CSRNP3: variants seen among roughly 807,000 people sequenced by gnomAD.
CSRNP3 encodes the protein cysteine and serine rich nuclear protein 3, also known as cysteine/serine-rich nuclear protein 3.
In CSRNP3, 12 loss-of-function variants were observed where a neutral mutation model predicts 48.0. The ratio of observed to expected loss-of-function variants is 0.25; its 90% CI spans 0.16 to 0.41. CSRNP3 has a LOEUF of 0.41. Ranked by LOEUF, CSRNP3 falls within the 10% of genes least tolerant of loss-of-function variation. CSRNP3 has a pLI of 1.00. For synonymous variants in CSRNP3, 263 were observed against 269.7 expected (o/e 0.98, Z 0.24); for missense variants, 580 against 724.4 (o/e 0.80, Z 2.29).
At chr2:165,622,723 C>A (rs1286731986) in intron 4 of CSRNP3, among the ~76,000 whole-genome samples, 1 of 152,130 alleles carries the variant, frequency 6.6e-6, no homozygotes, top group Non-Finnish European at 1.5e-5. Flanking sequence ...AAAAACAAAA[C>A]CAAAGTTGCC....
intron 3 of CSRNP3, among the ~76,000 whole-genome samples, chr2:165,562,121 C>T (rs1284551247): frequency 6.6e-6 from 1 of 152,000 alleles, no homozygotes; most frequent in Non-Finnish European, 1.5e-5. Flanking sequence ...TAGAAAAGCC[C>T]GAACACCCCC....
At chr2:165,510,130 A>G (rs1684482180) in intron 2 of CSRNP3, among the ~76,000 whole-genome samples, 1 of 152,158 alleles carries the variant, frequency 6.6e-6, no homozygotes, top group Non-Finnish European at 1.5e-5. Flanking sequence ...TGGTTGAGAT[A>G]GTGTCTGCAA....
intron 3 of CSRNP3, among the ~76,000 whole-genome samples, chr2:165,519,772 A>T (rs550205708): frequency 1.3e-5 from 2 of 152,184 alleles, no homozygotes; most frequent in Non-Finnish European, 2.9e-5. Context: ...GTGGATGGAA[A>T]TAGGTAATAA....
chr2:165,497,637 T>A (rs989352702), intron 2 of CSRNP3, among the ~76,000 whole-genome samples: 1 of 152,216 alleles, frequency 6.6e-6, no homozygotes, highest in Admixed American at 6.6e-5. Context: ...TCAAACCTCA[T>A]TTTGAATTCA....
rs970075088 is a variant in CSRNP3, at chr2:165,681,783, A to T, written c.*2030A>T. On this transcript the variant is annotated 3_prime_UTR_variant, in exon 7 of 7. Coordinates refer to ENST00000651982, the MANE Select transcript of CSRNP3 (RefSeq NM_001172173.2). ...TATACACACACACACACACATACAC[A>T]TATATATACACATATATGTATGTGT... 1.4e-5 allele frequency: 2 copies of T among 138,358 alleles called. No homozygotes were observed. The highest frequency in any genetic ancestry group is 1.4e-4 in the Admixed American group (2 of 13,800). The allele number at this position is 138,358 out of a possible 1,614,324, so 8.6% of individuals were successfully genotyped here.
intron 5 of CSRNP3, among the ~76,000 whole-genome samples, chr2:165,674,698 A>ATG (rs1558970784): frequency 7.4e-6 from 1 of 135,944 alleles, no homozygotes; most frequent in Non-Finnish European, 1.6e-5. Flanking sequence ...ATATATATAT[A>ATG]TATATATATA....
intron 1 of CSRNP3, among the ~76,000 whole-genome samples, chr2:165,483,167 C>A (rs1684070875): frequency 6.6e-6 from 1 of 151,894 alleles, no homozygotes; most frequent in African/African-American, 2.4e-5. Flanking sequence ...TTCAGGTGCC[C>A]TTTTCCATAA....
intron 5 of CSRNP3, among the ~76,000 whole-genome samples, chr2:165,675,180 C>T (rs975949320): frequency 2.6e-5 from 4 of 151,908 alleles, no homozygotes; most frequent in Non-Finnish European, 5.9e-5. Context: ...TAGACTTTTT[C>T]CTGTAAAGAT....
intron 2 of CSRNP3, among the ~76,000 whole-genome samples, chr2:165,511,425 C>T (rs951387021): frequency 6.6e-6 from 1 of 151,850 alleles, no homozygotes; most frequent in African/African-American, 2.4e-5. Flanking sequence ...ATGTGGAAGA[C>T]AGAGGGTATA....
Position 165,575,895 on chromosome 2 carries a change from A to G in CSRNP3, c.-23-19148A>G, listed in dbSNP as rs572091408. On this transcript the variant is annotated intron_variant, in intron 3 of 6. Coordinates refer to ENST00000651982, the MANE Select transcript of CSRNP3 (RefSeq NM_001172173.2). ...GTATGAGCTTTTAAAAAATTCAAAA[A>G]CTGACATTTTCTTCTAAAGTGTTTC... 3.1e-3 allele frequency among the ~76,000 whole-genome samples: 470 copies of G among 151,992 alleles called. 3 individuals carry two copies. The highest frequency in any genetic ancestry group is 0.016 in the South Asian group (79 of 4,822).
At chr2:165,525,775 C>T (rs1684725665) in intron 3 of CSRNP3, among the ~76,000 whole-genome samples, 1 of 152,116 alleles carries the variant, frequency 6.6e-6, no homozygotes, top group Non-Finnish European at 1.5e-5. Context: ...GCATGAACCA[C>T]CACTCCCAGC....
chr2:165,520,796 T>C (rs1395194255), intron 3 of CSRNP3, among the ~76,000 whole-genome samples: 202 of 18,418 alleles, frequency 0.011, 3 homozygotes, highest in East Asian at 0.047. Flanking sequence ...TATATATATA[T>C]ATATATATAT....
chr2:165,568,737 G>A (rs1685330859), intron 3 of CSRNP3, among the ~76,000 whole-genome samples: 1 of 151,870 alleles, frequency 6.6e-6, no homozygotes, highest in South Asian at 2.1e-4. Flanking sequence ...CTCTACTTCT[G>A]GCTGAAAAGA....
At chr2:165,603,142 G>A (rs907039689) in intron 4 of CSRNP3, among the ~76,000 whole-genome samples, 23 of 152,028 alleles carry the variant, frequency 1.5e-4, no homozygotes, top group African/African-American at 4.8e-4. Context: ...TGATCCGCCC[G>A]CCTCGGCCTC....
chr2:165,496,949 T>C (rs1163203972), intron 2 of CSRNP3, among the ~76,000 whole-genome samples: 2 of 152,030 alleles, frequency 1.3e-5, no homozygotes, highest in Non-Finnish European at 2.9e-5. Context: ...ACAATGTTCA[T>C]TTAAACACCA....
At chr2:165,552,300 C>T (rs1438825863) in intron 3 of CSRNP3, among the ~76,000 whole-genome samples, 1 of 152,212 alleles carries the variant, frequency 6.6e-6, no homozygotes, top group Non-Finnish European at 1.5e-5. Context: ...ATTCCACTTC[C>T]TGGTGCTCTT....
In CSRNP3 at chr2:165,646,823, A is replaced by T. The variant is rs995805091; in HGVS notation, c.149-10938A>T. ...AGAACTGTGATTATTTATGTTTAGT[A>T]ACAACTACCTTTTTTTCCCAATAAA... On this transcript the variant is annotated intron_variant, in intron 4 of 6. Coordinates refer to ENST00000651982, the MANE Select transcript of CSRNP3 (RefSeq NM_001172173.2). Among the ~76,000 whole-genome samples the T allele has an allele frequency of 2.6e-5, 4 of 152,188 alleles. No homozygotes were observed. In the East Asian group the frequency reaches 5.8e-4, roughly 22 times the overall value.
Position 165,686,892 on chromosome 2 carries a change from A to G in CSRNP3, c.*7139A>G, listed in dbSNP as rs141055543. ...AGATTCTTCTATATTCTTCAAATTT[A>G]TGGTCCTGAGACTAGGAGGGATCTC... On this transcript the variant is annotated 3_prime_UTR_variant, in exon 7 of 7. Coordinates refer to ENST00000651982, the MANE Select transcript of CSRNP3 (RefSeq NM_001172173.2). 90 of 152,188 alleles carry G rather than the reference A, an allele frequency of 5.9e-4. No homozygotes were observed. The highest frequency in any genetic ancestry group is 2.1e-3 in the African/African-American group (88 of 41,536). 9.4% of individuals were successfully genotyped at this position (152,188 alleles called of 1,614,324 possible). A position where few individuals can be genotyped will look rare whatever the true frequency, so the allele number is the denominator to read the frequency against.
At chr2:165,592,118 G>T (rs1685727547) in intron 3 of CSRNP3, among the ~76,000 whole-genome samples, 1 of 152,244 alleles carries the variant, frequency 6.6e-6, no homozygotes, top group Admixed American at 6.5e-5. Flanking sequence ...TCTTGCATCA[G>T]CATGCCCTGG....
Sources: gnomAD v4.1 joint callset for allele counts (sites outside exome capture counted in the v4.1 genomes callset) on GRCh38, gnomAD v4.1.1 for gene constraint, MANE v1.5 for transcripts, NCBI Gene and HGNC (gene_info 2026-07-23, HGNC 2026-07-21) for gene names.